The following UTRN variants were observed in gnomAD, a reference collection of about 807,000 sequenced individuals.
UTRN encodes dystrophin-related protein 1.
A neutral mutation model predicts 463.9 loss-of-function variants in UTRN; 283 were observed. That is an observed-to-expected ratio of 0.61 (90% CI 0.55 to 0.67). The LOEUF (loss-of-function observed/expected upper bound fraction) is 0.67. Among genes scored for constraint, UTRN ranks in the 30% least tolerant of loss-of-function variants. The pLI is 0.00. For synonymous variants in UTRN, 1,442 were observed against 1,431.5 expected, an observed-to-expected ratio of 1.01 and a Z score of -0.17; for missense variants, 3,922 against 4,084.3, an observed-to-expected ratio of 0.96 and a Z score of 1.08.
intron 51 of UTRN, among the ~76,000 whole-genome samples, chr6:144,627,493 G>T (rs1398682356): frequency 6.6e-6 from 1 of 152,040 alleles, no homozygotes; most frequent in Non-Finnish European, 1.5e-5. Context: ...ACCATTTTAA[G>T]TGTACAAATC....
intron 69 of UTRN, 106 bp downstream of exon 69, chr6:144,828,961 A>G: frequency 2.3e-6 from 3 of 1,326,336 alleles, no homozygotes. Context: ...TCCCAATCAA[A>G]ATTATTAAGT....
chr6:144,433,836 A>G (rs375520573), intron 9 of UTRN, among the ~76,000 whole-genome samples: 1 of 148,526 alleles, frequency 6.7e-6, no homozygotes, highest in Admixed American at 6.7e-5. Context: ...GCGGCCGGGC[A>G]GAGACGCTCC....
In UTRN at chr6:144,769,445, G is replaced by A. The variant is rs532706404; in HGVS notation, c.8496-2462G>A. On this transcript the variant is annotated intron_variant, in intron 58 of 74. Transcript: ENST00000367545. ...ATTGAATTCACAAAGGGAGATGCCC[G>A]TTCCCTCCCTCCATCTGTTTGCCAA... 7.2e-5 allele frequency among the ~76,000 whole-genome samples: 11 copies of A among 152,248 alleles called. No individual in the cohort carries two copies. The South Asian group carries it at 1.7e-3, about 23-fold the overall frequency.
intron 2 of UTRN, among the ~76,000 whole-genome samples, chr6:144,368,034 C>G (rs565835292): frequency 2.0e-5 from 3 of 152,250 alleles, no homozygotes; most frequent in Admixed American, 2.0e-4. Flanking sequence ...CCTGCCTTGG[C>G]CTTCTGAAGT....
At chr6:144,589,890 C>T (rs1454395961) in intron 51 of UTRN, among the ~76,000 whole-genome samples, 3 of 151,218 alleles carry the variant, frequency 2.0e-5, no homozygotes, top group South Asian at 4.2e-4. Context: ...GGGTCTCTGT[C>T]ACACAGGCTG....
intron 51 of UTRN, among the ~76,000 whole-genome samples, chr6:144,637,795 A>G (rs1000565682): frequency 5.3e-5 from 8 of 152,136 alleles, no homozygotes; most frequent in Non-Finnish European, 1.0e-4. Context: ...GCTCATTTAC[A>G]CTTGCTGGGA....
intron 66 of UTRN, among the ~76,000 whole-genome samples, chr6:144,824,441 A>ATATACACTATGTATATATATTGTATATG (rs1454143046): frequency 7.6e-6 from 1 of 132,446 alleles, no homozygotes; most frequent in East Asian, 2.9e-4. Context: ...CATTGTATAT[A>ATATACACTATGTATATATATTGTATATG]TATACACATA....
chr6:144,352,965 C>T (rs1319650881), intron 2 of UTRN, among the ~76,000 whole-genome samples: 2 of 151,886 alleles, frequency 1.3e-5, no homozygotes, highest in African/African-American at 4.8e-5. Flanking sequence ...TTCTTTGAGA[C>T]AGGGTCTTGC....
intron 2 of UTRN, among the ~76,000 whole-genome samples, chr6:144,334,501 G>T (rs1302882614): frequency 6.6e-6 from 1 of 152,078 alleles, no homozygotes; most frequent in Non-Finnish European, 1.5e-5. Flanking sequence ...TGAGGCGTGG[G>T]TTTGTGCCCG....
At chr6:144,812,756 T>C (rs182317925) in intron 65 of UTRN, among the ~76,000 whole-genome samples, 24 of 152,328 alleles carry the variant, frequency 1.6e-4, no homozygotes, top group Admixed American at 1.3e-3. Context: ...GTTTAGGGTT[T>C]TTCTTTAGGG....
intron 46 of UTRN, among the ~76,000 whole-genome samples, chr6:144,546,534 A>G (rs769125036): frequency 2.6e-5 from 4 of 152,078 alleles, no homozygotes; most frequent in African/African-American, 7.2e-5. Flanking sequence ...GGCACAGTGA[A>G]TCATGTCTAT....
At chr6:144,571,288 A>C (rs9497008) in intron 50 of UTRN, among the ~76,000 whole-genome samples, 55,501 of 151,950 alleles carry the variant, frequency 0.37, 12,020 homozygotes, top group East Asian at 0.6. Flanking sequence ...AACACCACCA[A>C]CAACAACTAC....
At chr6:144,840,532 G>C (rs1322882126) in intron 72 of UTRN, among the ~76,000 whole-genome samples, 1 of 152,142 alleles carries the variant, frequency 6.6e-6, no homozygotes, top group African/African-American at 2.4e-5. Flanking sequence ...CAAACAGCTA[G>C]TACGTGTCAA....
chr6:144,344,478 T>A (rs1396543485), intron 2 of UTRN, among the ~76,000 whole-genome samples: 1 of 152,058 alleles, frequency 6.6e-6, no homozygotes, highest in Non-Finnish European at 1.5e-5. Flanking sequence ...CCCTCAAGAG[T>A]AGAGACCAAC....
At chr6:144,702,247 C>T (rs1047511973) in intron 53 of UTRN, among the ~76,000 whole-genome samples, 6 of 152,208 alleles carry the variant, frequency 3.9e-5, no homozygotes, top group African/African-American at 1.4e-4. Flanking sequence ...TCTGTCCTGG[C>T]TGTATTTTGG....
At chr6:144,722,476 T>C (rs973742575) in intron 53 of UTRN, among the ~76,000 whole-genome samples, 1 of 152,146 alleles carries the variant, frequency 6.6e-6, no homozygotes, top group Non-Finnish European at 1.5e-5. Flanking sequence ...TCCACACTCC[T>C]ATGCAGAGGG....
intron 2 of UTRN, chr6:144,333,404 T>C (rs547615313): frequency 7.6e-4 from 116 of 152,340 alleles, no homozygotes; most frequent in African/African-American, 2.4e-3. Context: ...ATTTTTCATA[T>C]AGCATGTCAC....
At chr6:144,803,260 GA>G (rs750374921) in intron 65 of UTRN, 113 bp downstream of exon 65, 36 of 650,006 alleles carry the variant, frequency 5.5e-5, no homozygotes, top group Middle Eastern at 4.9e-4. Context: ...TCACTTTGAA[GA>G]TTTTTTTTTT....
At chr6:144,389,651 T>C (rs1378591440) in intron 2 of UTRN, among the ~76,000 whole-genome samples, 2 of 151,846 alleles carry the variant, frequency 1.3e-5, no homozygotes, top group Admixed American at 6.6e-5. Context: ...CAGGCTGGAG[T>C]GCAGTGGCAT....
Sources: allele counts gnomAD v4.1 joint callset (sites outside exome capture counted in the v4.1 genomes callset), GRCh38; gene constraint gnomAD v4.1.1; transcripts MANE v1.5; gene names NCBI Gene and HGNC (gene_info 2026-07-23, HGNC 2026-07-21).